Variants in STXBP6 observed in about 807,000 individuals in gnomAD.
STXBP6 encodes the protein syntaxin-binding protein 6.
In STXBP6, 21 loss-of-function variants were observed where a neutral mutation model predicts 26.9. The ratio of observed to expected loss-of-function variants is 0.78; its 90% CI spans 0.55 to 1.12. The LOEUF (loss-of-function observed/expected upper bound fraction) is 1.12, where lower values mean the gene tolerates loss of function less well. Among genes scored for constraint, STXBP6 ranks in the 50% most tolerant of loss-of-function variants. The pLI, the probability that STXBP6 is intolerant of heterozygous loss-of-function variation, is 0.00. For missense variants in STXBP6, 232 were observed against 257.9 expected, an observed-to-expected ratio of 0.90 and a Z score of 0.69; for synonymous variants, 97 against 92.6, an observed-to-expected ratio of 1.05 and a Z score of -0.27.
intron 2 of STXBP6, among the ~76,000 whole-genome samples, chr14:24,886,048 C>T (rs560683255): frequency 1.4e-4 from 22 of 152,316 alleles, no homozygotes; most frequent in Admixed American, 5.9e-4. Flanking sequence ...GGTCTCCTTA[C>T]GCAGTTGGTT....
chr14:24,874,344 CATT>C lies in STXBP6; in HGVS notation c.155-17190_155-17188del, dbSNP rs1189832501. Among the ~76,000 whole-genome samples, 4 of 152,092 alleles carry C rather than the reference CATT, an allele frequency of 2.6e-5. No individual in the cohort carries two copies. The East Asian group carries it at 7.7e-4, about 29-fold the overall frequency. ...AATTTCAGATTTGTATTATGGGACT[CATT>C]ATACTACTAGCCTCCATTTCTAGCC... is the stretch of plus-strand genomic sequence containing the variant. On this transcript the variant is annotated intron_variant, in intron 2 of 5. Transcript: ENST00000323944.
chr14:24,949,617 T>C (rs554004729), intron 2 of STXBP6, among the ~76,000 whole-genome samples: 1 of 152,318 alleles, frequency 6.6e-6, no homozygotes, highest in South Asian at 2.1e-4. Flanking sequence ...AGTGAGAAAA[T>C]TGCCTTTAAT....
intron 2 of STXBP6, among the ~76,000 whole-genome samples, chr14:24,889,163 T>C (rs1288419327): frequency 6.7e-6 from 1 of 149,402 alleles, no homozygotes; most frequent in Admixed American, 6.7e-5. Flanking sequence ...ACTTTTAAGG[T>C]CCTCTTCTTA....
In STXBP6 at chr14:24,899,799, A is replaced by AAC. The variant is rs1555323348; in HGVS notation, c.155-42643_155-42642insGT. On this transcript the variant is annotated intron_variant, in intron 2 of 5. Transcript: ENST00000323944. ...ACATTTCAAAAAAAAAAAAAAAAAA[A>AAC]GCAAAAAAAAAAAAAAAGAGTAACT... Among the ~76,000 whole-genome samples, 3 of 95,158 alleles carry AAC rather than the reference A, an allele frequency of 3.2e-5. No homozygotes were observed. The Admixed American group carries it at 4.4e-4, about 14-fold the overall frequency. The allele number at this position is 95,158 out of a possible 152,430, so 62.4% of individuals were successfully genotyped here.
At chr14:24,862,175 T>A (rs2255003) in intron 2 of STXBP6, among the ~76,000 whole-genome samples, 136,909 of 151,762 alleles carry the variant, frequency 0.9, 62,732 homozygotes, top group East Asian at 1. Context: ...TAACTTTTAT[T>A]TTTTTTGTAG....
chr14:25,024,759 T>A (rs1296421960), intron 1 of STXBP6, among the ~76,000 whole-genome samples: 1 of 152,178 alleles, frequency 6.6e-6, no homozygotes, highest in Non-Finnish European at 1.5e-5. Context: ...AAAGATTACA[T>A]CTTTAATTTC....
chr14:24,817,875 G>C, intron 5 of STXBP6: 1 of 358,510 alleles, frequency 2.8e-6, no homozygotes, highest in South Asian at 2.1e-5. Flanking sequence ...TGTCACGACA[G>C]AGAATGAATG....
intron 5 of STXBP6, among the ~76,000 whole-genome samples, chr14:24,818,440 G>T (rs1377518952): frequency 1.3e-5 from 2 of 152,158 alleles, no homozygotes; most frequent in African/African-American, 4.8e-5. Context: ...AGGGGCAGCA[G>T]GGAGTATTGC....
At chr14:24,959,057 G>A (rs115946097) in intron 2 of STXBP6, among the ~76,000 whole-genome samples, 105 of 152,262 alleles carry the variant, frequency 6.9e-4, no homozygotes, top group African/African-American at 2.3e-3. Flanking sequence ...GGTGATAGTC[G>A]TTGATCAATA....
chr14:24,977,288 T>G (rs552731467), intron 1 of STXBP6, among the ~76,000 whole-genome samples: 1 of 152,158 alleles, frequency 6.6e-6, no homozygotes, highest in Non-Finnish European at 1.5e-5. Flanking sequence ...TCATATAAAA[T>G]CTGTCAGAAA....
At chr14:25,013,274 T>A (rs549663860) in intron 1 of STXBP6, among the ~76,000 whole-genome samples, 2 of 152,256 alleles carry the variant, frequency 1.3e-5, no homozygotes, top group South Asian at 2.1e-4. Flanking sequence ...GAATCGAACA[T>A]TTTTCTTGCC....
chr14:24,830,520 G>A (rs2068426571), intron 4 of STXBP6, among the ~76,000 whole-genome samples: 1 of 152,114 alleles, frequency 6.6e-6, no homozygotes, highest in Non-Finnish European at 1.5e-5. Flanking sequence ...GGTAATAGTG[G>A]TGCAATTTAC....
chr14:25,036,165 C>T (rs564154367), intron 1 of STXBP6, among the ~76,000 whole-genome samples: 67 of 142,694 alleles, frequency 4.7e-4, no homozygotes, highest in Middle Eastern at 3.9e-3. Flanking sequence ...TACAGTGAGC[C>T]GAGATTGTGC....
chr14:24,867,656 A>AC (rs201799844), intron 2 of STXBP6, among the ~76,000 whole-genome samples: 9 of 131,010 alleles, frequency 6.9e-5, no homozygotes, highest in African/African-American at 1.3e-4. Flanking sequence ...TACTATACAC[A>AC]AAAAAAATAA....
intron 2 of STXBP6, among the ~76,000 whole-genome samples, chr14:24,859,053 A>G (rs1480293264): frequency 6.6e-6 from 1 of 152,184 alleles, no homozygotes; most frequent in Non-Finnish European, 1.5e-5. Flanking sequence ...AAAAGCTTCA[A>G]CACAACTCGA....
At chr14:25,039,488 G>A (rs2075607097) in intron 1 of STXBP6, among the ~76,000 whole-genome samples, 1 of 152,168 alleles carries the variant, frequency 6.6e-6, no homozygotes, top group Middle Eastern at 3.2e-3. Context: ...GTTTCTTGGT[G>A]CATATCTCTC....
chr14:24,812,566 C>T lies in STXBP6; in HGVS notation c.*143G>A. 1.4e-6 allele frequency: 1 copy of T among 707,576 alleles called. No homozygotes were observed. The highest frequency in any genetic ancestry group is 1.8e-5 in the South Asian group (1 of 56,298). 43.8% of individuals were successfully genotyped at this position (707,576 alleles called of 1,614,324 possible). A position where few individuals can be genotyped will look rare whatever the true frequency, so the allele number is the denominator to read the frequency against. ...TGCAACACCCTTTCTTTCACATTAA[C>T]ATCTGAAAAGAAAAAACAAAAACCA... On this transcript the variant is annotated 3_prime_UTR_variant, in exon 6 of 6. Transcript: ENST00000323944.
chr14:25,022,662 C>A (rs2075281069), intron 1 of STXBP6, among the ~76,000 whole-genome samples: 1 of 152,184 alleles, frequency 6.6e-6, no homozygotes, highest in Non-Finnish European at 1.5e-5. Flanking sequence ...ATTACACAGG[C>A]CAAATAAAAC....
At chr14:24,847,791 A>G (rs2069014489) in intron 4 of STXBP6, among the ~76,000 whole-genome samples, 1 of 152,164 alleles carries the variant, frequency 6.6e-6, no homozygotes, top group Non-Finnish European at 1.5e-5. Flanking sequence ...TTCCCACTGG[A>G]AGATCTGAAT....
Sources: gnomAD v4.1 joint callset for allele counts (sites outside exome capture counted in the v4.1 genomes callset) on GRCh38, gnomAD v4.1.1 for gene constraint, MANE v1.5 for transcripts, NCBI Gene and HGNC (gene_info 2026-07-23, HGNC 2026-07-21) for gene names.